LIPC: variants seen among roughly 807,000 people sequenced by gnomAD.
LIPC encodes lipase C, hepatic type, also known as hepatic triacylglycerol lipase.
In LIPC, 44 loss-of-function variants were observed where a neutral mutation model predicts 50.7. That is an observed-to-expected ratio of 0.87 (90% CI 0.68 to 1.11). The LOEUF (loss-of-function observed/expected upper bound fraction) is 1.11. Ranked by LOEUF, LIPC falls within the 50% of genes most tolerant of loss-of-function variation. The pLI, the probability that LIPC is intolerant of heterozygous loss-of-function variation, is 0.00. For synonymous variants in LIPC, 271 were observed against 256.4 expected, an observed-to-expected ratio of 1.06 and a Z score of -0.54; for missense variants, 697 against 648.2, an observed-to-expected ratio of 1.08 and a Z score of -0.82.
At chr15:58,567,251 A>G (rs28405825) in intron 8 of LIPC, among the ~76,000 whole-genome samples, 736 of 60,666 alleles carry the variant, frequency 0.012, 8 homozygotes, top group Non-Finnish European at 0.022. Context: ...GTGTGTGTGT[A>G]TATATATATG....
Position 58,467,148 on chromosome 15 carries a change from G to A in LIPC, c.88+35028G>A, listed in dbSNP as rs115089758. Among the ~76,000 whole-genome samples, 1,315 of 152,164 alleles carry A rather than the reference G, an allele frequency of 8.6e-3. 24 individuals carry two copies. Among genetic ancestry groups the A allele is most frequent in the African/African-American group, 0.029 (1,212 of 41,482 alleles). On this transcript the variant is annotated intron_variant, in intron 1 of 8. Coordinates refer to ENST00000299022, the MANE Select transcript of LIPC (RefSeq NM_000236.3). ...CCATCCAAATGTTTACTGACCCTGG[G>A]AAATAAATCCAGTAGACCAATGAAG...
chr15:58,462,738 G>A (rs981681245), intron 1 of LIPC, among the ~76,000 whole-genome samples: 8 of 152,096 alleles, frequency 5.3e-5, no homozygotes, highest in Non-Finnish European at 8.8e-5. Context: ...GCACAGCCCT[G>A]ACTCAGAGGC....
chr15:58,456,287 T>A (rs1407155412), intron 1 of LIPC: 1 of 152,196 alleles, frequency 6.6e-6, no homozygotes, highest in Admixed American at 6.5e-5. Flanking sequence ...AAATTTTACA[T>A]TTGCATTAAG....
chr15:58,548,531 A>G lies in LIPC; in HGVS notation c.1010A>G (p.Lys337Arg), dbSNP rs372817422. The G allele has an allele frequency of 6.3e-7, 1 of 1,599,412 alleles. No individual in the cohort carries two copies. Among genetic ancestry groups the G allele is most frequent in the East Asian group, 2.2e-5 (1 of 44,562 alleles). Residue 337 changes from lysine (K) to arginine (R), a missense_variant, in exon 6 of 9, where the codon AAG becomes AGG. Lys to Arg is a conservative substitution (Grantham distance 26). Coordinates refer to ENST00000299022, the MANE Select transcript of LIPC (RefSeq NM_000236.3). ...HVRQEPRSKS[K>R]RLFLVTRAQS... is the part of the protein sequence containing the mutation. Reference sequence around the variant, plus strand: ...CGCCAGGAGCCGCGGAGCAAGAGCAAGAGGCTCTTCCTCGTAACGCGAGCC... The same window carrying G: ...CGCCAGGAGCCGCGGAGCAAGAGCAGGAGGCTCTTCCTCGTAACGCGAGCC...
intron 6 of LIPC, among the ~76,000 whole-genome samples, chr15:58,556,238 G>T (rs548998307): frequency 5.4e-4 from 82 of 152,262 alleles, no homozygotes; most frequent in African/African-American, 1.9e-3. Context: ...CACTCAGAGA[G>T]CCTGTGAAGT....
intron 1 of LIPC, among the ~76,000 whole-genome samples, chr15:58,491,405 G>C (rs1267270117): frequency 6.6e-6 from 1 of 152,200 alleles, no homozygotes; most frequent in Non-Finnish European, 1.5e-5. Context: ...GGCCTGTAGA[G>C]TGGGAATAAT....
intron 1 of LIPC, chr15:58,522,562 G>C (rs1011007651): frequency 1.5e-4 from 23 of 152,844 alleles, no homozygotes; most frequent in African/African-American, 5.3e-4. Context: ...CCTGGCAAGC[G>C]GAACTGAACA....
Position 58,560,840 on chromosome 15 carries a change from TTCTC to T in LIPC, c.1052-18_1052-15del, listed in dbSNP as rs770175422. ...ATCACTGCTTAAATTATCTCTCTCT[TTCTC>T]TCTCTGTCTCTCTCTCTAGTTTATC... is the stretch of plus-strand genomic sequence containing the variant. On this transcript the variant is annotated intron_variant, in intron 6 of 8. Transcript: ENST00000299022. The T allele has an allele frequency of 1.1e-5, 10 of 907,578 alleles. No homozygotes were observed. Among genetic ancestry groups the T allele is most frequent in the South Asian group, 1.0e-4 (8 of 76,374 alleles). The allele number at this position is 907,578 out of a possible 1,614,324, so 56.2% of individuals were successfully genotyped here.
intron 1 of LIPC, among the ~76,000 whole-genome samples, chr15:58,516,395 C>A (rs945435740): frequency 2.6e-5 from 4 of 151,880 alleles, no homozygotes; most frequent in Non-Finnish European, 5.9e-5. Context: ...TATTTTTCCA[C>A]CATTATTATT....
intron 1 of LIPC, chr15:58,473,542 C>T (rs1489014639): frequency 6.6e-6 from 1 of 152,188 alleles, no homozygotes; most frequent in Non-Finnish European, 1.5e-5. Context: ...CATAGGAAGA[C>T]GCAGCAGGGA....
chr15:58,535,488 T>A (rs757823794), intron 1 of LIPC, among the ~76,000 whole-genome samples: 2 of 152,234 alleles, frequency 1.3e-5, no homozygotes, highest in African/African-American at 2.4e-5. Flanking sequence ...ATCTGACAAC[T>A]GTTTTCCATG....
At chr15:58,468,002 A>T (rs767922202) in intron 1 of LIPC, among the ~76,000 whole-genome samples, 2 of 152,196 alleles carry the variant, frequency 1.3e-5, no homozygotes, top group Non-Finnish European at 2.9e-5. Flanking sequence ...TCTGTAAAAT[A>T]ATAGGACCCA....
At chr15:58,452,771 T>C (rs11071383) in intron 1 of LIPC, among the ~76,000 whole-genome samples, 100,212 of 151,798 alleles carry the variant, frequency 0.66, 33,469 homozygotes, top group Middle Eastern at 0.77. Flanking sequence ...GGTCCTGGGA[T>C]TGCTGCCCCT....
chr15:58,567,334 T>C (rs373869836), intron 8 of LIPC, among the ~76,000 whole-genome samples: 289 of 16,538 alleles, frequency 0.017, 2 homozygotes, highest in Non-Finnish European at 0.02. Context: ...TATATATATA[T>C]ATATGTATAT....
chr15:58,546,095 G>GGT, intron 5 of LIPC, 120 bp downstream of exon 5: 1 of 890,170 alleles, frequency 1.1e-6, no homozygotes, highest in Non-Finnish European at 1.8e-6. Flanking sequence ...AGGGGCCCAG[G>GGT]GTGTATGGTC....
chr15:58,557,594 C>T (rs1486369035), intron 6 of LIPC, among the ~76,000 whole-genome samples: 1 of 151,950 alleles, frequency 6.6e-6, no homozygotes, highest in Non-Finnish European at 1.5e-5. Context: ...ACCGTGTTAG[C>T]CAGGATGGTC....
intron 7 of LIPC, among the ~76,000 whole-genome samples, chr15:58,561,772 CA>C (rs1894171882): frequency 6.6e-6 from 1 of 152,146 alleles, no homozygotes; most frequent in South Asian, 2.1e-4. Flanking sequence ...CTTATTGCTA[CA>C]AAAAGTCTGC....
intron 1 of LIPC, among the ~76,000 whole-genome samples, chr15:58,442,810 C>T (rs1893550818): frequency 6.7e-6 from 1 of 148,324 alleles, no homozygotes; most frequent in Non-Finnish European, 1.5e-5. Flanking sequence ...CTCCAAACCT[C>T]CCAAGGTCCT....
At chr15:58,527,460 C>T (rs1017448704) in intron 1 of LIPC, among the ~76,000 whole-genome samples, 1 of 152,148 alleles carries the variant, frequency 6.6e-6, no homozygotes, top group African/African-American at 2.4e-5. Context: ...CTTCCCCCTA[C>T]ATTTCATAAT....
Sources: gnomAD v4.1 joint callset for allele counts (sites outside exome capture counted in the v4.1 genomes callset) on GRCh38, gnomAD v4.1.1 for gene constraint, MANE v1.5 for transcripts, NCBI Gene and HGNC (gene_info 2026-07-23, HGNC 2026-07-21) for gene names.